HS6ST2: variants seen among roughly 807,000 people sequenced by gnomAD.
HS6ST2 encodes heparan-sulfate 6-O-sulfotransferase 2.
HS6ST2 carries 17 observed loss-of-function variants against 33.0 expected under a neutral mutation model. That is an observed-to-expected ratio of 0.52 (90% CI 0.35 to 0.77). The LOEUF (loss-of-function observed/expected upper bound fraction) is 0.77, where lower values mean the gene tolerates loss of function less well. Ranked by LOEUF, HS6ST2 falls within the 30% of genes least tolerant of loss-of-function variation. HS6ST2 has a pLI of 0.01. For missense variants in HS6ST2, 519 were observed against 551.7 expected (o/e 0.94, Z 0.59); for synonymous variants, 248 against 237.1 (o/e 1.05, Z -0.42).
intron 2 of HS6ST2, among the ~76,000 whole-genome samples, chrX:132,754,746 C>G (rs778923485): frequency 1.8e-5 from 2 of 110,079 alleles, no homozygotes; most frequent in Non-Finnish European, 3.8e-5. Context: ...GGATCTTGCT[C>G]TGCTGCCCAG....
intron 2 of HS6ST2, among the ~76,000 whole-genome samples, chrX:132,763,499 G>A (rs888740447): frequency 4.5e-5 from 5 of 112,059 alleles, no homozygotes; most frequent in African/African-American, 1.6e-4. Context: ...GTGCAGACTC[G>A]AGATGTTCTC....
At chrX:132,854,178 C>T (rs1352578475) in intron 2 of HS6ST2, among the ~76,000 whole-genome samples, 1 of 112,472 alleles carries the variant, frequency 8.9e-6, no homozygotes, top group Non-Finnish European at 1.9e-5. Context: ...AGTCACAATG[C>T]TGTTCCTTGC....
intron 2 of HS6ST2, among the ~76,000 whole-genome samples, chrX:132,810,226 T>C (rs1405734464): frequency 9.1e-6 from 1 of 110,185 alleles, no homozygotes; most frequent in Non-Finnish European, 1.9e-5. Context: ...GGCAACATAA[T>C]GACACCTCAT....
At chrX:132,779,500 A>G (rs776711705) in intron 2 of HS6ST2, among the ~76,000 whole-genome samples, 6 of 111,301 alleles carry the variant, frequency 5.4e-5, no homozygotes, top group African/African-American at 2.0e-4. Context: ...AAACCTCTAT[A>G]GTTTTTTTTT....
Position 132,845,140 on chromosome X carries a change from A to T in HS6ST2, c.947+111668T>A, listed in dbSNP as rs745830905. Among the ~76,000 whole-genome samples the T allele has an allele frequency of 6.4e-5, 7 of 108,860 alleles. No individual in the cohort carries two copies. The East Asian group carries it at 2.0e-3, about 31-fold the overall frequency. The allele number at this position is 108,860 out of a possible 115,157, so 94.5% of individuals were successfully genotyped here. ...AATAATTATAATTATTAATATATAC[A>T]TTATACATATTGTGTATTTCATCGA... On this transcript the variant is annotated intron_variant, in intron 2 of 4. Transcript: ENST00000370833.
intron 2 of HS6ST2, among the ~76,000 whole-genome samples, chrX:132,857,606 G>GA (rs2065866181): frequency 8.9e-6 from 1 of 111,954 alleles, no homozygotes; most frequent in African/African-American, 3.2e-5. Context: ...GTTGATTAAA[G>GA]AAAAAATAAT....
At chrX:132,877,054 GT>G (rs2066114091) in intron 2 of HS6ST2, among the ~76,000 whole-genome samples, 1 of 112,152 alleles carries the variant, frequency 8.9e-6, no homozygotes, top group South Asian at 3.7e-4. Flanking sequence ...TAGCTGAGAA[GT>G]TGGAACTAAC....
At chrX:132,806,220 G>A (rs2065281026) in intron 2 of HS6ST2, among the ~76,000 whole-genome samples, 1 of 110,622 alleles carries the variant, frequency 9.0e-6, no homozygotes, top group South Asian at 3.7e-4. Context: ...AAGAGAATCT[G>A]TAAATTCTCC....
intron 2 of HS6ST2, among the ~76,000 whole-genome samples, chrX:132,864,182 C>T (rs2065943735): frequency 9.1e-6 from 1 of 109,892 alleles, no homozygotes; most frequent in African/African-American, 3.3e-5. Context: ...CAAAAACCAG[C>T]ACGCCTCTTC....
At chrX:132,790,123 G>T (rs961605827) in intron 2 of HS6ST2, among the ~76,000 whole-genome samples, 2 of 112,000 alleles carry the variant, frequency 1.8e-5, no homozygotes, top group African/African-American at 6.5e-5. Context: ...ATGCTACAGA[G>T]AAATCTTTTG....
chrX:132,826,210 G>T (rs986914240), intron 2 of HS6ST2, among the ~76,000 whole-genome samples: 1 of 112,474 alleles, frequency 8.9e-6, no homozygotes, highest in Non-Finnish European at 1.9e-5. Flanking sequence ...CAGAGCATGG[G>T]ACCAATAAAC....
chrX:132,807,436 A>G, intron 2 of HS6ST2, among the ~76,000 whole-genome samples: 1 of 104,801 alleles, frequency 9.5e-6, no homozygotes. Context: ...GAGAGCCTAA[A>G]GAATAAAGGG....
intron 2 of HS6ST2, among the ~76,000 whole-genome samples, chrX:132,927,929 T>C (rs986710198): frequency 7.4e-5 from 8 of 108,573 alleles, no homozygotes; most frequent in Middle Eastern, 4.8e-3. Flanking sequence ...GGGTAATTTA[T>C]AAAGAAAAGA....
chrX:132,759,470 A>G (rs977471027), intron 2 of HS6ST2, among the ~76,000 whole-genome samples: 1 of 111,278 alleles, frequency 9.0e-6, no homozygotes, highest in Non-Finnish European at 1.9e-5. Flanking sequence ...GGAATGGCAT[A>G]TGATCTGAAA....
chrX:132,944,224 G>C (rs2148497471), intron 2 of HS6ST2, among the ~76,000 whole-genome samples: 1 of 111,152 alleles, frequency 9.0e-6, no homozygotes, highest in African/African-American at 3.3e-5. Context: ...AACATACAGA[G>C]AGCCAAATCA....
chrX:132,648,182 C>T (rs2063661399), intron 4 of HS6ST2, among the ~76,000 whole-genome samples: 2 of 112,029 alleles, frequency 1.8e-5, no homozygotes, highest in Admixed American at 9.5e-5. Flanking sequence ...GACTTACACA[C>T]TTTGGGCAGA....
In HS6ST2 at chrX:132,777,939, C is replaced by T. The variant is rs146651396; in HGVS notation, c.948-69445G>A. Among the ~76,000 whole-genome samples, 571 of 111,898 alleles carry T rather than the reference C, an allele frequency of 5.1e-3. 3 individuals carry two copies. Among genetic ancestry groups the T allele is most frequent in the African/African-American group, 0.017 (511 of 30,821 alleles). ...TCTTTCATGTTCCACGTAGTTGTGT[C>T]TGAACAGAATATAGACAATTAATTC... On this transcript the variant is annotated intron_variant, in intron 2 of 4. Coordinates refer to ENST00000370833, the MANE Select transcript of HS6ST2 (RefSeq NM_001394073.1).
At chrX:132,821,685 T>C (rs1360807680) in intron 2 of HS6ST2, among the ~76,000 whole-genome samples, 1 of 111,158 alleles carries the variant, frequency 9.0e-6, no homozygotes, top group Admixed American at 9.6e-5. Flanking sequence ...TAACAGCTAA[T>C]ACTGTACTCA....
intron 2 of HS6ST2, among the ~76,000 whole-genome samples, chrX:132,772,559 A>G (rs2064910706): frequency 9.6e-6 from 1 of 104,333 alleles, no homozygotes; most frequent in African/African-American, 3.4e-5. Context: ...ATATAATTAT[A>G]TTGTACACAA....
Sources: allele counts gnomAD v4.1 joint callset (sites outside exome capture counted in the v4.1 genomes callset), GRCh38; gene constraint gnomAD v4.1.1; transcripts MANE v1.5; gene names NCBI Gene and HGNC (gene_info 2026-07-23, HGNC 2026-07-21).